Variants in KDM7A observed in about 807,000 individuals in gnomAD.
The protein encoded by KDM7A is lysine demethylase 7A, also known as lysine-specific demethylase 7A.
KDM7A carries 28 observed loss-of-function variants against 114.8 expected under a neutral mutation model. That is an observed-to-expected ratio of 0.24 (90% CI 0.18 to 0.33). The LOEUF (loss-of-function observed/expected upper bound fraction) is 0.33. Ranked by LOEUF, KDM7A falls within the 10% of genes least tolerant of loss-of-function variation. The pLI is 1.00. For synonymous variants in KDM7A, 423 were observed against 397.8 expected, an observed-to-expected ratio of 1.06 and a Z score of -0.75; for missense variants, 942 against 1,142.5, an observed-to-expected ratio of 0.82 and a Z score of 2.53.
chr7:140,156,493 ATTC>A (rs1310935494), intron 1 of KDM7A, among the ~76,000 whole-genome samples: 1 of 152,216 alleles, frequency 6.6e-6, no homozygotes, highest in African/African-American at 2.4e-5. Flanking sequence ...GACTGCAGGC[ATTC>A]AGATGGGAAG....
intron 12 of KDM7A, 105 bp from the exon 13 acceptor site, chr7:140,100,128 A>C: frequency 8.2e-7 from 1 of 1,224,994 alleles, no homozygotes; most frequent in Non-Finnish European, 1.2e-6. Flanking sequence ...CTGCATCTCA[A>C]AGATACAGGC....
chr7:140,142,033 A>AAAAAGATATCTATATATCATATATATAT (rs1794288401), intron 1 of KDM7A, among the ~76,000 whole-genome samples: 1 of 146,260 alleles, frequency 6.8e-6, no homozygotes, highest in Non-Finnish European at 1.5e-5. Flanking sequence ...TTTATATATT[A>AAAAAGATATCTATATATCATATATATAT]AAAAGATATT....
chr7:140,088,782 G>T lies in KDM7A; in HGVS notation c.*2312C>A. 1 of 344,262 alleles carries T rather than the reference G, an allele frequency of 2.9e-6. No homozygotes were observed. The highest frequency in any genetic ancestry group is 5.2e-6 in the Non-Finnish European group (1 of 192,638). 21.3% of individuals were successfully genotyped at this position (344,262 alleles called of 1,614,324 possible). On this transcript the variant is annotated 3_prime_UTR_variant, in exon 20 of 20. Transcript: ENST00000397560. ...ACCTTCACTTTAGAATTCCACACAC[G>T]GGCTACTCCAAATTAGTACTTCTCA...
Position 140,096,749 on chromosome 7 carries a change from G to C in KDM7A, c.2180C>G (p.Ser727Trp). ...EIPIKRECPTSTSTEEEAIQG... is the reference protein window; with the variant it reads ...EIPIKRECPTWTSTEEEAIQG... Reference sequence around the variant, plus strand: ...AATAGCTTCTTCCTCTGTGCTCGTCGAGGTAGGACATTCCCTAAAGAAGAG... The same window carrying C: ...AATAGCTTCTTCCTCTGTGCTCGTCCAGGTAGGACATTCCCTAAAGAAGAG... Residue 727 changes from serine to tryptophan, a missense_variant, in exon 17 of 20, where the codon TCG (serine) becomes TGG (tryptophan). Ser to Trp is a radical substitution (Grantham distance 177). This residue lies in a region of KDM7A where 512 missense variants were observed against 576.6 expected (regional missense o/e 0.89). Transcript: ENST00000397560. 6.2e-7 allele frequency: 1 copy of C among 1,613,882 alleles called. No homozygotes were observed. The highest frequency in any genetic ancestry group is 8.5e-7 in the Non-Finnish European group (1 of 1,179,802).
chr7:140,164,007 C>T (rs182008068), intron 1 of KDM7A, among the ~76,000 whole-genome samples: 2 of 152,110 alleles, frequency 1.3e-5, no homozygotes, highest in Non-Finnish European at 2.9e-5. Flanking sequence ...TGATCAATGG[C>T]AGCCAGCATG....
chr7:140,113,383 A>C (rs1489558724), intron 10 of KDM7A, 108 bp downstream of exon 10: 2 of 548,622 alleles, frequency 3.6e-6, no homozygotes, highest in Admixed American at 6.6e-5. Flanking sequence ...CATGATTTCT[A>C]TTCCCTCTAC....
At chr7:140,142,538 G>A (rs1378079173) in intron 1 of KDM7A, among the ~76,000 whole-genome samples, 2 of 151,948 alleles carry the variant, frequency 1.3e-5, no homozygotes, top group Non-Finnish European at 2.9e-5. Context: ...GTAACTGGGG[G>A]AAATATAAGT....
intron 9 of KDM7A, 96 bp downstream of exon 9, chr7:140,119,017 A>G (rs1210774489): frequency 1.5e-6 from 1 of 673,208 alleles, no homozygotes; most frequent in African/African-American, 1.8e-5. Context: ...ACATCCATAC[A>G]CTACTAGAAA....
intron 2 of KDM7A, among the ~76,000 whole-genome samples, chr7:140,138,803 T>C (rs1818909290): frequency 6.6e-6 from 1 of 152,184 alleles, no homozygotes; most frequent in Non-Finnish European, 1.5e-5. Flanking sequence ...TGAAATCAGT[T>C]TCCAGAAACA....
chr7:140,093,005 A>C (rs560841489), intron 18 of KDM7A, among the ~76,000 whole-genome samples: 1 of 152,340 alleles, frequency 6.6e-6, no homozygotes, highest in African/African-American at 2.4e-5. Flanking sequence ...TTAAAAAAAA[A>C]ACTTGCTTCT....
At chr7:140,133,242 A>G (rs1818817794) in intron 3 of KDM7A, among the ~76,000 whole-genome samples, 1 of 152,222 alleles carries the variant, frequency 6.6e-6, no homozygotes, top group Admixed American at 6.5e-5. Flanking sequence ...CAACTCCCTC[A>G]GATTAGTGTA....
chr7:140,126,585 C>T, intron 6 of KDM7A, 52 bp downstream of exon 6: 5 of 1,067,668 alleles, frequency 4.7e-6, no homozygotes, highest in Non-Finnish European at 6.5e-6. Flanking sequence ...CACTGAAAAA[C>T]TAGGGCTATA....
chr7:140,089,049 TG>T lies in KDM7A; in HGVS notation c.*2044del, dbSNP rs1266800047. ...TAACCCAAAATAAAAACATGACTAT[TG>T]TAACACCGACTCAGGATCTACAGAA... is the stretch of plus-strand genomic sequence containing the variant. On this transcript the variant is annotated 3_prime_UTR_variant, in exon 20 of 20. Transcript: ENST00000397560. The T allele has an allele frequency of 6.6e-6, 1 of 152,108 alleles. No homozygotes were observed. Among genetic ancestry groups the T allele is most frequent in the East Asian group, 1.9e-4 (1 of 5,194 alleles). 9.4% of individuals were successfully genotyped at this position (152,108 alleles called of 1,614,324 possible). A position where few individuals can be genotyped will look rare whatever the true frequency, so the allele number is the denominator to read the frequency against.
chr7:140,117,908 C>T (rs1484817187), intron 9 of KDM7A, among the ~76,000 whole-genome samples: 5 of 152,180 alleles, frequency 3.3e-5, no homozygotes, highest in African/African-American at 9.7e-5. Flanking sequence ...TACCCCTATC[C>T]CATACACCAG....
intron 1 of KDM7A, 135 bp from the exon 2 acceptor site, chr7:140,139,325 TATAAAG>T (rs1342386809): frequency 1.7e-6 from 1 of 599,236 alleles, no homozygotes; most frequent in Admixed American, 2.9e-5. Flanking sequence ...CAGAAACACA[TATAAAG>T]ATAAATTTTA....
At chr7:140,161,600 T>G (rs1794519706) in intron 1 of KDM7A, among the ~76,000 whole-genome samples, 2 of 151,812 alleles carry the variant, frequency 1.3e-5, no homozygotes, top group African/African-American at 4.8e-5. Flanking sequence ...CAGGCTGGAG[T>G]GCTGTGGCGT....
chr7:140,098,772 A>T (rs1818155815), intron 14 of KDM7A, 107 bp downstream of exon 14: 2 of 961,278 alleles, frequency 2.1e-6, no homozygotes, highest in South Asian at 3.0e-5. Flanking sequence ...GGGACACAAA[A>T]GTTTTCTGCT....
At chr7:140,121,285 G>T (rs1450645035) in intron 7 of KDM7A, among the ~76,000 whole-genome samples, 2 of 152,088 alleles carry the variant, frequency 1.3e-5, no homozygotes, top group Non-Finnish European at 2.9e-5. Flanking sequence ...AAAAAATGTT[G>T]GCAGACTTCA....
chr7:140,107,475 A>G (rs1818357882), intron 11 of KDM7A, among the ~76,000 whole-genome samples: 1 of 148,582 alleles, frequency 6.7e-6, no homozygotes, highest in Admixed American at 6.6e-5. Flanking sequence ...TGGTGGTGAC[A>G]AAATCTCTCA....
Sources: allele counts gnomAD v4.1 joint callset (sites outside exome capture counted in the v4.1 genomes callset), GRCh38; gene constraint gnomAD v4.1.1; regional missense constraint gnomAD v4.1.1; transcripts MANE v1.5; gene names NCBI Gene and HGNC (gene_info 2026-07-23, HGNC 2026-07-21).